FNDC1: variants seen among roughly 807,000 people sequenced by gnomAD.
FNDC1 encodes the protein fibronectin type III domain containing 1.
A neutral mutation model predicts 168.0 loss-of-function variants in FNDC1; 96 were observed. The observed-to-expected ratio is 0.57, with a 90% CI of 0.48 to 0.68. The LOEUF (loss-of-function observed/expected upper bound fraction) is 0.68. Among genes scored for constraint, FNDC1 ranks in the 30% least tolerant of loss-of-function variants. The pLI is 0.00. For missense variants in FNDC1, 2,587 were observed against 2,482.1 expected (o/e 1.04, Z -0.90); for synonymous variants, 1,099 against 1,025.9 (o/e 1.07, Z -1.36).
chr6:159,207,739 G>A (rs1562637337), intron 4 of FNDC1, among the ~76,000 whole-genome samples: 2 of 152,134 alleles, frequency 1.3e-5, no homozygotes, highest in South Asian at 2.1e-4. Context: ...ACCAATAGAC[G>A]TTCAACAAAA....
intron 9 of FNDC1, among the ~76,000 whole-genome samples, chr6:159,228,218 G>T (rs1190022724): frequency 6.6e-6 from 1 of 152,170 alleles, no homozygotes; most frequent in Non-Finnish European, 1.5e-5. Flanking sequence ...AATAATAACA[G>T]ATACTGAGTT....
chr6:159,209,841 T>A (rs374563738), intron 4 of FNDC1, among the ~76,000 whole-genome samples: 1 of 152,194 alleles, frequency 6.6e-6, no homozygotes, highest in African/African-American at 2.4e-5. Context: ...CTTCTTCCAA[T>A]CCCTGAAAAT....
intron 1 of FNDC1, among the ~76,000 whole-genome samples, chr6:159,180,815 T>C (rs1038973484): frequency 6.6e-6 from 1 of 152,178 alleles, no homozygotes; most frequent in Non-Finnish European, 1.5e-5. Context: ...CATGATCTCA[T>C]TCCTTCTTAT....
At position 159,184,628 on chromosome 6, in the gene FNDC1, G is replaced by A. The variant is rs1305067268; in HGVS notation, c.110-12803G>A. ...CTCTCTTCTAAGGGTGTTTTTCAGG[G>A]AGCTTTCTGAGTAATATGAGTGGTG... On this transcript the variant is annotated intron_variant, in intron 1 of 22. Transcript: ENST00000297267. Among the ~76,000 whole-genome samples the A allele has an allele frequency of 1.7e-4, 26 of 152,210 alleles. No homozygotes were observed. In the East Asian group the frequency reaches 5.0e-3, roughly 29 times the overall value.
At chr6:159,207,873 G>A (rs186464977) in intron 4 of FNDC1, among the ~76,000 whole-genome samples, 5 of 152,254 alleles carry the variant, frequency 3.3e-5, no homozygotes, top group East Asian at 1.9e-4. Context: ...TTGAACTGAC[G>A]TCTGGTGTTA....
chr6:159,238,431 T>C, intron 12 of FNDC1, 123 bp from the exon 13 acceptor site: 1 of 625,814 alleles, frequency 1.6e-6, no homozygotes, highest in Admixed American at 3.3e-5. Context: ...ACAAAAAGAA[T>C]GTCTTCTACT....
chr6:159,197,496 T>C lies in FNDC1; in HGVS notation c.175T>C (p.Trp59Arg), dbSNP rs374967242. The change falls in exon 2 of 23, where the codon TGG (tryptophan) becomes CGG (arginine). Residue 59 changes from tryptophan to arginine, a missense_variant. By Grantham distance (101) the Trp-to-Arg change is moderately radical. Transcript: ENST00000297267. ...LSTKMGLKVT[W>R]DPPKDATSRP... ...CACTAAAATGGGCCTGAAAGTCACGTGGGACCCACCCAAAGATGCTACCAG... is the reference window on the plus strand; with the variant it reads ...CACTAAAATGGGCCTGAAAGTCACGCGGGACCCACCCAAAGATGCTACCAG... The C allele has an allele frequency of 9.5e-5, 153 of 1,613,998 alleles. No individual in the cohort carries two copies. In the East Asian group the frequency reaches 2.5e-3, roughly 26 times the overall value.
At chr6:159,228,606 C>T (rs1048982521) in intron 9 of FNDC1, among the ~76,000 whole-genome samples, 1 of 151,988 alleles carries the variant, frequency 6.6e-6, no homozygotes, top group African/African-American at 2.4e-5. Flanking sequence ...AAAAGATCAT[C>T]CATGCTCCTG....
chr6:159,180,885 T>TCA (rs1781864172), intron 1 of FNDC1, among the ~76,000 whole-genome samples: 2 of 152,184 alleles, frequency 1.3e-5, no homozygotes, highest in Non-Finnish European at 1.5e-5. Context: ...CTATCACTGA[T>TCA]GTGATAGACT....
At position 159,203,417 on chromosome 6, in the gene FNDC1, T is replaced by C. The variant is rs948939394; in HGVS notation, c.460+2836T>C. On this transcript the variant is annotated intron_variant, in intron 4 of 22. Transcript: ENST00000297267. ...CATGTGGGGAGGAGGAGGAGGACCATGCCAGAGAGTCCTGGAGTTTGGGCA... is the reference window on the plus strand; with the variant it reads ...CATGTGGGGAGGAGGAGGAGGACCACGCCAGAGAGTCCTGGAGTTTGGGCA... 4.6e-5 allele frequency among the ~76,000 whole-genome samples: 7 copies of C among 152,200 alleles called. No individual in the cohort carries two copies. The South Asian group carries it at 8.3e-4, about 18-fold the overall frequency.
Position 159,233,619 on chromosome 6 carries a change from C to G in FNDC1, c.3107C>G (p.Thr1036Ser), listed in dbSNP as rs958108481. The G allele has an allele frequency of 1.9e-6, 3 of 1,568,398 alleles. No individual in the cohort carries two copies. Among genetic ancestry groups the G allele is most frequent in the African/African-American group, 1.4e-5 (1 of 73,782 alleles). The change falls in exon 11 of 23, where the codon ACC (threonine) becomes AGC (serine). Residue 1036 changes from threonine (T) to serine (S), a missense_variant. Coordinates refer to ENST00000297267, the MANE Select transcript of FNDC1 (RefSeq NM_032532.3). This position sits in a 1 kb window ranked among gnomAD's most constrained non-coding sequence, Gnocchi z 4.6. ...RSPSQPRLSL[T>S]QAGRPRPTSQ... is the part of the protein sequence containing the mutation. Reference sequence around the variant, plus strand: ...CCTTCCCAGCCCAGGCTCTCACTGACCCAGGCCGGGCGGCCCCGCCCCACG... The same window carrying G: ...CCTTCCCAGCCCAGGCTCTCACTGAGCCAGGCCGGGCGGCCCCGCCCCACG...
intron 15 of FNDC1, among the ~76,000 whole-genome samples, chr6:159,248,419 C>T (rs1449248018): frequency 4.0e-5 from 6 of 151,894 alleles, no homozygotes; most frequent in Non-Finnish European, 8.8e-5. Context: ...GATTCTTTTG[C>T]CTCAGCCTCC....
In FNDC1 at chr6:159,256,584, T is replaced by G; in HGVS notation, c.5127T>G (p.Ala1709=). 1 of 1,613,970 alleles carries G rather than the reference T, an allele frequency of 6.2e-7. No individual in the cohort carries two copies. Among genetic ancestry groups the G allele is most frequent in the South Asian group, 1.1e-5 (1 of 91,072 alleles). The change falls in exon 18 of 23, where the codon GCT becomes GCG. Residue 1709 remains alanine (A), a synonymous_variant. Coordinates refer to ENST00000297267, the MANE Select transcript of FNDC1 (RefSeq NM_032532.3). ...DFIRNKWSTQ[A]SSVTHLPIEN... ...TCAGGAACAAGTGGTCCACTCAAGC[T>G]TCATCAGTAACTCACTTGCCCATTG...
At position 159,199,869 on chromosome 6, in the gene FNDC1, A is replaced by T. The variant is rs1583865304; in HGVS notation, c.305-127A>T. The T allele has an allele frequency of 8.4e-6, 6 of 716,982 alleles. No individual in the cohort carries two copies. The East Asian group carries it at 1.6e-4, about 20-fold the overall frequency. The allele number at this position is 716,982 out of a possible 1,614,324, so 44.4% of individuals were successfully genotyped here. The stretch of plus-strand genomic sequence containing the variant: ...AGAGACATCTATCATTATGCTTGTC[A>T]CTGAATTTGGATTTTTGTATTTGGT... On this transcript the variant is annotated intron_variant, in intron 2 of 22. Coordinates refer to ENST00000297267, the MANE Select transcript of FNDC1 (RefSeq NM_032532.3).
At chr6:159,258,288 C>A (rs1001956534) in intron 18 of FNDC1, among the ~76,000 whole-genome samples, 2 of 152,158 alleles carry the variant, frequency 1.3e-5, no homozygotes, top group Non-Finnish European at 2.9e-5. Context: ...GTAGAAGAGG[C>A]AGATTTTTTA....
In FNDC1 at chr6:159,239,840, A is replaced by C. The variant is rs771714934; in HGVS notation, c.4504A>C (p.Thr1502Pro). The change falls in exon 14 of 23, where the codon ACC becomes CCC. Residue 1502 changes from threonine (T) to proline (P), a missense_variant. Physicochemically the swap from Thr to Pro is conservative, Grantham distance 38. Transcript: ENST00000297267. ...RTTTRTTTTT[T>P]PTPTTPIPTC... ...CACTACGCGGACAACCACCACCACC[A>C]CCCCCACACCCACCACTCCCATCCC... 207 of 1,541,994 alleles carry C rather than the reference A, an allele frequency of 1.3e-4. 1 individual carries two copies. The South Asian group carries it at 2.1e-3, about 16-fold the overall frequency.
At chr6:159,218,024 A>G (rs1782741416) in intron 5 of FNDC1, among the ~76,000 whole-genome samples, 1 of 152,142 alleles carries the variant, frequency 6.6e-6, no homozygotes, top group Admixed American at 6.5e-5. Flanking sequence ...TCTGCCCGGC[A>G]TATCAGCAGG....
intron 1 of FNDC1, among the ~76,000 whole-genome samples, chr6:159,190,816 C>G (rs772677281): frequency 6.6e-6 from 1 of 152,164 alleles, no homozygotes; most frequent in Non-Finnish European, 1.5e-5. Flanking sequence ...GAAACTGAAA[C>G]GTAATTTGTT....
chr6:159,269,293 C>CT (rs1264747492), intron 22 of FNDC1, among the ~76,000 whole-genome samples: 1,683 of 32,020 alleles, frequency 0.053, 152 homozygotes, highest in Middle Eastern at 0.1. Flanking sequence ...TCTATCTATC[C>CT]ATCCATCCAT....
Sources: gnomAD v4.1 joint callset for allele counts (sites outside exome capture counted in the v4.1 genomes callset) on GRCh38, gnomAD v4.1.1 for gene constraint, Gnocchi (gnomAD v3.1) non-coding constraint, MANE v1.5 for transcripts, NCBI Gene and HGNC (gene_info 2026-07-23, HGNC 2026-07-21) for gene names.